Variants in SYT16 observed in about 807,000 individuals in gnomAD.
SYT16 encodes synaptotagmin-16.
A neutral mutation model predicts 61.4 loss-of-function variants in SYT16; 42 were observed. The ratio of observed to expected loss-of-function variants is 0.68; its 90% CI spans 0.53 to 0.89. The LOEUF (loss-of-function observed/expected upper bound fraction) is 0.89. SYT16 is among the 40% of genes least tolerant of loss of function. The pLI, the probability that SYT16 is intolerant of heterozygous loss-of-function variation, is 0.00. For missense variants in SYT16, 804 were observed against 807.3 expected (o/e 1.00, Z 0.05); for synonymous variants, 314 against 302.3 (o/e 1.04, Z -0.40).
chr14:61,849,585 C>T (rs540253368), intron 1 of SYT16, among the ~76,000 whole-genome samples: 212 of 152,244 alleles, frequency 1.4e-3, no homozygotes, highest in Non-Finnish European at 2.5e-3. Context: ...GTGTTGCTTT[C>T]TGCTGTGATA....
At chr14:61,925,863 A>G (rs1473184708) in intron 1 of SYT16, among the ~76,000 whole-genome samples, 7 of 152,142 alleles carry the variant, frequency 4.6e-5, no homozygotes, top group Non-Finnish European at 8.8e-5. Context: ...CTCAAGGAAA[A>G]GGTGGAGATT....
intron 1 of SYT16, among the ~76,000 whole-genome samples, chr14:61,850,361 C>G (rs2046575809): frequency 6.6e-6 from 1 of 152,066 alleles, no homozygotes; most frequent in Non-Finnish European, 1.5e-5. Context: ...TCTCAAACTC[C>G]TGACCTTAGA....
chr14:62,062,152 G>A (rs541456898), intron 3 of SYT16, among the ~76,000 whole-genome samples: 2 of 152,226 alleles, frequency 1.3e-5, no homozygotes, highest in Admixed American at 1.3e-4. Flanking sequence ...ATGTGAAATG[G>A]AGTTGTCAAA....
chr14:61,958,205 T>G (rs1486457404), intron 1 of SYT16, among the ~76,000 whole-genome samples: 1 of 151,822 alleles, frequency 6.6e-6, no homozygotes, highest in Non-Finnish European at 1.5e-5. Flanking sequence ...TTGATTTTGT[T>G]TATCTTTTCA....
chr14:61,879,341 T>C (rs1200366403), intron 1 of SYT16, among the ~76,000 whole-genome samples: 1 of 152,212 alleles, frequency 6.6e-6, no homozygotes, highest in African/African-American at 2.4e-5. Context: ...TGTGAAGAAG[T>C]AAGGATGCCC....
At chr14:62,100,114 G>A (rs1263337870) in intron 7 of SYT16, among the ~76,000 whole-genome samples, 3 of 152,174 alleles carry the variant, frequency 2.0e-5, no homozygotes, top group East Asian at 1.9e-4. Flanking sequence ...GCCTGTGCAC[G>A]AATGTATACA....
chr14:62,070,121 T>A (rs1420760448), intron 4 of SYT16, among the ~76,000 whole-genome samples: 1 of 152,172 alleles, frequency 6.6e-6, no homozygotes, highest in Non-Finnish European at 1.5e-5. Context: ...GCTTAGCAAA[T>A]CTTGTTCCCT....
chr14:61,893,314 G>T (rs899720510), intron 1 of SYT16, among the ~76,000 whole-genome samples: 7 of 152,172 alleles, frequency 4.6e-5, no homozygotes, highest in South Asian at 2.1e-4. Flanking sequence ...TGACTTGTAC[G>T]TTTATGCTTT....
intron 1 of SYT16, among the ~76,000 whole-genome samples, chr14:61,952,541 T>G (rs1463551438): frequency 6.6e-6 from 1 of 152,256 alleles, no homozygotes; most frequent in Non-Finnish European, 1.5e-5. Flanking sequence ...GTGTTAATGC[T>G]AAGAATGTAC....
chr14:62,068,187 C>T (rs2056141714), intron 3 of SYT16, among the ~76,000 whole-genome samples: 1 of 151,836 alleles, frequency 6.6e-6, no homozygotes. Context: ...AATTGTGGTA[C>T]ATAAATATGC....
chr14:61,928,155 C>T (rs1007548283), intron 1 of SYT16, among the ~76,000 whole-genome samples: 35 of 152,068 alleles, frequency 2.3e-4, no homozygotes, highest in Admixed American at 2.0e-3. Flanking sequence ...CTGTATCATA[C>T]GAGTTCACCT....
intron 1 of SYT16, among the ~76,000 whole-genome samples, chr14:61,906,732 TCCATCCATCCA>T (rs1415092733): frequency 3.3e-5 from 4 of 119,880 alleles, no homozygotes; most frequent in Non-Finnish European, 7.2e-5. Context: ...CATCCATCCA[TCCATCCATCCA>T]TCCATCCTTC....
intron 2 of SYT16, among the ~76,000 whole-genome samples, chr14:61,976,296 C>T (rs535781530): frequency 1.3e-5 from 2 of 152,318 alleles, no homozygotes; most frequent in East Asian, 1.9e-4. Context: ...ATGGTGCAAG[C>T]TGTTGGTGGA....
At chr14:61,846,849 A>G (rs1159471207) in intron 1 of SYT16, among the ~76,000 whole-genome samples, 1 of 152,138 alleles carries the variant, frequency 6.6e-6, no homozygotes, top group Non-Finnish European at 1.5e-5. Context: ...GGAAGTTACC[A>G]TGAGGCTTGC....
In SYT16 at chr14:61,833,954, T is replaced by A. The variant is rs1050390202; in HGVS notation, c.-325+21144T>A. Among the ~76,000 whole-genome samples the A allele has an allele frequency of 5.1e-4, 76 of 148,558 alleles. 1 individual carries two copies. The highest frequency in any genetic ancestry group is 1.9e-3 in the African/African-American group (75 of 40,356). ...TGAAACTAAATTTCCAGTGGATTGCTGAAGCTCTGGCTTTGATTTTTTTTT... is the reference window on the plus strand; with the variant it reads ...TGAAACTAAATTTCCAGTGGATTGCAGAAGCTCTGGCTTTGATTTTTTTTT... On this transcript the variant is annotated intron_variant, in intron 1 of 7. Transcript: ENST00000683842.
intron 7 of SYT16, among the ~76,000 whole-genome samples, chr14:62,093,516 T>A (rs1225592154): frequency 6.6e-6 from 1 of 152,040 alleles, no homozygotes; most frequent in Non-Finnish European, 1.5e-5. Context: ...CACACTACAG[T>A]TTATACTGGG....
At position 62,106,838 on chromosome 14, in the gene SYT16, C is replaced by T. The variant is rs990009033; in HGVS notation, c.*6131C>T. On this transcript the variant is annotated 3_prime_UTR_variant, in exon 8 of 8. Coordinates refer to ENST00000683842, the MANE Select transcript of SYT16 (RefSeq NM_001367656.1). ...CCACTGTGGAACCTGTGAAACAGCT[C>T]GAGGCTTTACAGAACAAGCTCATAG... The T allele has an allele frequency of 1.3e-5, 2 of 152,038 alleles. No homozygotes were observed. Among genetic ancestry groups the T allele is most frequent in the African/African-American group, 4.8e-5 (2 of 41,390 alleles). The allele number at this position is 152,038 out of a possible 1,614,324, so 9.4% of individuals were successfully genotyped here. A position where few individuals can be genotyped will look rare whatever the true frequency, so the allele number is the denominator to read the frequency against.
rs564576266 is a variant in SYT16, at chr14:62,002,141, C to T, written c.523+5599C>T. 2.6e-5 allele frequency among the ~76,000 whole-genome samples: 4 copies of T among 152,078 alleles called. No homozygotes were observed. In the East Asian group the frequency reaches 5.8e-4, roughly 22 times the overall value. Reference sequence around the variant, plus strand: ...TTTTTGTTTGTCTTGTAATTTATGACTGAAAATAGAACATTATATGTAGGG... The same window carrying T: ...TTTTTGTTTGTCTTGTAATTTATGATTGAAAATAGAACATTATATGTAGGG... On this transcript the variant is annotated intron_variant, in intron 3 of 7. Coordinates refer to ENST00000683842, the MANE Select transcript of SYT16 (RefSeq NM_001367656.1).
chr14:62,053,769 T>G (rs2055414700), intron 3 of SYT16, among the ~76,000 whole-genome samples: 1 of 152,164 alleles, frequency 6.6e-6, no homozygotes, highest in South Asian at 2.1e-4. Flanking sequence ...GAAGGTAAAC[T>G]AAACTCTGTA....
Sources: allele counts gnomAD v4.1 joint callset (sites outside exome capture counted in the v4.1 genomes callset), GRCh38; gene constraint gnomAD v4.1.1; transcripts MANE v1.5; gene names NCBI Gene and HGNC (gene_info 2026-07-23, HGNC 2026-07-21).